The following CREB5 variants were observed in gnomAD, a reference collection of about 807,000 sequenced individuals.
CREB5 encodes cyclic AMP-responsive element-binding protein 5.
CREB5 carries 19 observed loss-of-function variants against 57.1 expected under a neutral mutation model. The ratio of observed to expected loss-of-function variants is 0.33; its 90% CI spans 0.23 to 0.49. CREB5 has a LOEUF of 0.49. CREB5 is among the 20% of genes least tolerant of loss of function. The probability of loss-of-function intolerance (pLI) is 0.99; values close to 1 mark genes in which losing one functional copy is unlikely to be tolerated. For synonymous variants in CREB5, 238 were observed against 238.3 expected, an observed-to-expected ratio of 1.00 and a Z score of 0.01; for missense variants, 579 against 671.6, an observed-to-expected ratio of 0.86 and a Z score of 1.52.
chr7:28,440,463 C>T (rs1307362331), intron 1 of CREB5, among the ~76,000 whole-genome samples: 1 of 152,146 alleles, frequency 6.6e-6, no homozygotes. Flanking sequence ...GAAGCCACTG[C>T]AGTGGTACCG....
chr7:28,769,657 A>G (rs1239453175), intron 7 of CREB5, among the ~76,000 whole-genome samples: 1 of 152,252 alleles, frequency 6.6e-6, no homozygotes, highest in African/African-American at 2.4e-5. Flanking sequence ...CTTATTAAAG[A>G]GAATCATCAG....
intron 5 of CREB5, among the ~76,000 whole-genome samples, chr7:28,682,512 A>T (rs1473248974): frequency 6.6e-6 from 1 of 152,240 alleles, no homozygotes; most frequent in Non-Finnish European, 1.5e-5. Flanking sequence ...TTTTAATACT[A>T]GGTTTATGGC....
At chr7:28,515,994 G>A (rs1205081110) in intron 4 of CREB5, among the ~76,000 whole-genome samples, 1 of 151,984 alleles carries the variant, frequency 6.6e-6, no homozygotes, top group African/African-American at 2.4e-5. Flanking sequence ...GATCACTTGA[G>A]CTCAGGAGTT....
chr7:28,651,944 G>A (rs897791842), intron 5 of CREB5, among the ~76,000 whole-genome samples: 3 of 152,084 alleles, frequency 2.0e-5, no homozygotes, highest in Admixed American at 6.6e-5. Context: ...CTTTCTACCT[G>A]TCTGAGCCTC....
chr7:28,405,223 C>T (rs1020754447), intron 1 of CREB5, among the ~76,000 whole-genome samples: 1 of 152,196 alleles, frequency 6.6e-6, no homozygotes, highest in Non-Finnish European at 1.5e-5. Context: ...GGGACGATAG[C>T]TAGATGTTTA....
rs1479633826 is a variant in CREB5, at chr7:28,672,133, C to A, written c.465-46620C>A. Reference sequence around the variant, plus strand: ...AAAATCACTTTCTAAAATAAAACAACACACATTCAGGACACCAGACAAGGA... The same window carrying A: ...AAAATCACTTTCTAAAATAAAACAAAACACATTCAGGACACCAGACAAGGA... On this transcript the variant is annotated intron_variant, in intron 5 of 10. Transcript: ENST00000357727. 4.0e-5 allele frequency among the ~76,000 whole-genome samples: 6 copies of A among 151,160 alleles called. No homozygotes were observed. In the Admixed American group the frequency reaches 4.0e-4, roughly 10 times the overall value.
intron 1 of CREB5, among the ~76,000 whole-genome samples, chr7:28,393,281 G>T (rs73684332): frequency 1.3e-5 from 2 of 152,050 alleles, no homozygotes; most frequent in Non-Finnish European, 2.9e-5. Flanking sequence ...AGTCTGACTC[G>T]TCTCTCAAAA....
intron 1 of CREB5, among the ~76,000 whole-genome samples, chr7:28,320,990 G>A (rs1785485724): frequency 6.6e-6 from 1 of 152,198 alleles, no homozygotes; most frequent in Admixed American, 6.5e-5. Context: ...GTGGAGCATG[G>A]CTCTGCCACT....
chr7:28,747,585 A>G (rs1804752961), intron 7 of CREB5, among the ~76,000 whole-genome samples: 2 of 152,140 alleles, frequency 1.3e-5, no homozygotes, highest in African/African-American at 4.8e-5. Flanking sequence ...AGCTGAGCAG[A>G]GAGTAGACAC....
chr7:28,778,134 T>C (rs949604008), intron 7 of CREB5, among the ~76,000 whole-genome samples: 2 of 152,162 alleles, frequency 1.3e-5, no homozygotes, highest in African/African-American at 4.8e-5. Flanking sequence ...AGCCTTCCCA[T>C]GGAAAGAATT....
rs75847209 is a variant in CREB5 at position 28,518,221 on chromosome 7, G to A, written c.291+10484G>A. On this transcript the variant is annotated intron_variant, in intron 4 of 10. Coordinates refer to ENST00000357727, the MANE Select transcript of CREB5 (RefSeq NM_182898.4). ...TTGAAAGTTAATCATAGTGCTGACCGAATCCTGCCTGAGTTGGTGCTGGGC... is the reference window on the plus strand; with the variant it reads ...TTGAAAGTTAATCATAGTGCTGACCAAATCCTGCCTGAGTTGGTGCTGGGC... Among the ~76,000 whole-genome samples the A allele has an allele frequency of 6.6e-5, 10 of 152,268 alleles. 1 individual carries two copies. The highest frequency in any genetic ancestry group is 2.2e-4 in the African/African-American group (9 of 41,568).
intron 1 of CREB5, among the ~76,000 whole-genome samples, chr7:28,395,370 T>A (rs966103879): frequency 5.9e-5 from 9 of 152,164 alleles, no homozygotes; most frequent in African/African-American, 1.9e-4. Context: ...GAGACATGAT[T>A]TACAGTAGGT....
chr7:28,505,705 T>G (rs1429448992), intron 3 of CREB5, among the ~76,000 whole-genome samples: 1 of 152,202 alleles, frequency 6.6e-6, no homozygotes, highest in Non-Finnish European at 1.5e-5. Flanking sequence ...ACAAATTGTG[T>G]AACCTTGTGC....
At chr7:28,560,948 G>A in intron 4 of CREB5, among the ~76,000 whole-genome samples, 1 of 40,100 alleles carries the variant, frequency 2.5e-5, no homozygotes, top group East Asian at 1.4e-3. Flanking sequence ...GTGCGTGTGT[G>A]TGCGTGTGTG....
intron 1 of CREB5, among the ~76,000 whole-genome samples, chr7:28,326,516 T>C (rs1271861226): frequency 1.3e-5 from 2 of 152,190 alleles, no homozygotes; most frequent in African/African-American, 4.8e-5. Context: ...TTCCAGTAGG[T>C]GCATTCATTC....
chr7:28,672,278 T>G (rs1016528193), intron 5 of CREB5, among the ~76,000 whole-genome samples: 6 of 151,826 alleles, frequency 4.0e-5, no homozygotes, highest in Non-Finnish European at 4.4e-5. Flanking sequence ...CTTGACCAAG[T>G]CATTACACCT....
intron 1 of CREB5, among the ~76,000 whole-genome samples, chr7:28,476,797 G>A (rs1026520192): frequency 1.3e-5 from 2 of 152,228 alleles, no homozygotes; most frequent in Non-Finnish European, 2.9e-5. Flanking sequence ...ATCCTATTAT[G>A]AGAAATATTT....
At chr7:28,723,574 A>G (rs1182018852) in intron 6 of CREB5, among the ~76,000 whole-genome samples, 1 of 152,198 alleles carries the variant, frequency 6.6e-6, no homozygotes, top group East Asian at 1.9e-4. Context: ...TAGCAGGGTA[A>G]CAAGGAAGAA....
At chr7:28,475,611 G>A (rs1354315367) in intron 1 of CREB5, among the ~76,000 whole-genome samples, 1 of 151,942 alleles carries the variant, frequency 6.6e-6, no homozygotes, top group Non-Finnish European at 1.5e-5. Context: ...TGGGTATAAA[G>A]AGGGTGTCAC....
Sources: allele counts gnomAD v4.1 joint callset (sites outside exome capture counted in the v4.1 genomes callset), GRCh38; gene constraint gnomAD v4.1.1; transcripts MANE v1.5; gene names NCBI Gene and HGNC (gene_info 2026-07-23, HGNC 2026-07-21).